SSBP3: variants seen among roughly 807,000 people sequenced by gnomAD.
SSBP3 encodes the protein single stranded DNA binding protein 3.
SSBP3 carries 5 observed loss-of-function variants against 69.6 expected under a neutral mutation model. The observed-to-expected ratio is 0.07, with a 90% CI of 0.04 to 0.15. The LOEUF (loss-of-function observed/expected upper bound fraction) is 0.15, where lower values mean the gene tolerates loss of function less well. SSBP3 is among the 10% of genes least tolerant of loss of function. SSBP3 has a pLI of 1.00. For synonymous variants in SSBP3, 196 were observed against 193.4 expected (o/e 1.01, Z -0.11); for missense variants, 312 against 534.0 (o/e 0.58, Z 4.10).
At chr1:54,275,116 G>A (rs1645260558) in intron 5 of SSBP3, among the ~76,000 whole-genome samples, 1 of 152,198 alleles carries the variant, frequency 6.6e-6, no homozygotes, top group East Asian at 1.9e-4. Flanking sequence ...AGCCCCTTGA[G>A]GGCAGGGTCC....
intron 4 of SSBP3, among the ~76,000 whole-genome samples, chr1:54,392,032 G>A (rs778175402): frequency 2.0e-5 from 3 of 151,958 alleles, no homozygotes; most frequent in Non-Finnish European, 4.4e-5. Flanking sequence ...CTCTCCTCCC[G>A]CGCCCACTCC....
chr1:54,319,797 C>T (rs1008925085), intron 4 of SSBP3, among the ~76,000 whole-genome samples: 1 of 152,094 alleles, frequency 6.6e-6, no homozygotes, highest in African/African-American at 2.4e-5. Context: ...GCAGCTAAGA[C>T]ATGGTATTTC....
At chr1:54,391,311 T>A (rs1451322628) in intron 4 of SSBP3, among the ~76,000 whole-genome samples, 2 of 152,200 alleles carry the variant, frequency 1.3e-5, no homozygotes, top group East Asian at 3.9e-4. Context: ...ACCAGACAAC[T>A]TACCCAAGGC....
At chr1:54,404,405 C>T (rs1313736799) in intron 3 of SSBP3, among the ~76,000 whole-genome samples, 171 bp downstream of exon 3, 1 of 152,222 alleles carries the variant, frequency 6.6e-6, no homozygotes, top group African/African-American at 2.4e-5. Context: ...CATCCTCTTC[C>T]GCCCTTCTCC....
At chr1:54,399,304 GAA>G (rs1463307372) in intron 4 of SSBP3, among the ~76,000 whole-genome samples, 2 of 152,260 alleles carry the variant, frequency 1.3e-5, no homozygotes, top group African/African-American at 4.8e-5. Flanking sequence ...GGTGGTGTTA[GAA>G]ACACCCATTC....
At chr1:54,360,059 G>T (rs1365537832) in intron 4 of SSBP3, among the ~76,000 whole-genome samples, 1 of 152,126 alleles carries the variant, frequency 6.6e-6, no homozygotes, top group Admixed American at 6.5e-5. Context: ...TGTGCTCAAA[G>T]AAATAAAAAG....
At chr1:54,261,165 C>CTGTG (rs1645011419) in intron 5 of SSBP3, among the ~76,000 whole-genome samples, 8 of 152,226 alleles carry the variant, frequency 5.3e-5, no homozygotes, top group Admixed American at 5.2e-4. Context: ...AGGAACCCCA[C>CTGTG]ATAGCCTAGC....
intron 4 of SSBP3, among the ~76,000 whole-genome samples, chr1:54,308,343 T>C (rs1481413287): frequency 1.3e-5 from 2 of 151,190 alleles, no homozygotes; most frequent in East Asian, 3.9e-4. Context: ...GGCTCATGCC[T>C]GTAATCCCAG....
chr1:54,236,779 T>G (rs1644502623), intron 14 of SSBP3: 2 of 152,164 alleles, frequency 1.3e-5, no homozygotes, highest in South Asian at 4.1e-4. Context: ...AAAGATCTCA[T>G]TAAGTGCTTT....
At chr1:54,339,652 C>G (rs1646572011) in intron 4 of SSBP3, among the ~76,000 whole-genome samples, 2 of 152,074 alleles carry the variant, frequency 1.3e-5, no homozygotes, top group South Asian at 2.1e-4. Flanking sequence ...GTGGCTCACA[C>G]CTATAATCCT....
At chr1:54,251,502 C>T (rs2100709948) in intron 9 of SSBP3, 114 bp downstream of exon 9, 1 of 1,187,428 alleles carries the variant, frequency 8.4e-7, no homozygotes, top group Non-Finnish European at 1.2e-6. Flanking sequence ...CATGCCCTTC[C>T]TCTCACCCCT....
chr1:54,372,697 C>T (rs1647154688), intron 4 of SSBP3, among the ~76,000 whole-genome samples: 1 of 152,224 alleles, frequency 6.6e-6, no homozygotes, highest in Admixed American at 6.5e-5. Flanking sequence ...CTCTTCCACC[C>T]ACAATCCTTT....
chr1:54,227,181 A>AGGGG (rs372535521), intron 17 of SSBP3, 21 bp from the exon 18 acceptor site: 33 of 527,052 alleles, frequency 6.3e-5, no homozygotes, highest in African/African-American at 5.6e-4. Flanking sequence ...GAAGCAGAGA[A>AGGGG]GGGGGGGGGG....
chr1:54,262,729 A>G (rs548227566), intron 5 of SSBP3, among the ~76,000 whole-genome samples: 5 of 152,164 alleles, frequency 3.3e-5, no homozygotes, highest in Non-Finnish European at 4.4e-5. Flanking sequence ...CCATGAGCCA[A>G]CCGGAACTGG....
At chr1:54,274,680 G>A (rs533386414) in intron 5 of SSBP3, among the ~76,000 whole-genome samples, 1 of 152,272 alleles carries the variant, frequency 6.6e-6, no homozygotes, top group South Asian at 2.1e-4. Context: ...CACCTCCAGA[G>A]GGGACCGCAG....
chr1:54,329,777 G>A (rs1211028238), intron 4 of SSBP3, among the ~76,000 whole-genome samples: 3 of 152,178 alleles, frequency 2.0e-5, no homozygotes, highest in South Asian at 2.1e-4. Context: ...ACAAAACAGC[G>A]GCCCAGCCGC....
At chr1:54,405,025 T>G in intron 1 of SSBP3, 95 bp from the exon 2 acceptor site, 1 of 1,130,378 alleles carries the variant, frequency 8.8e-7, no homozygotes, top group Non-Finnish European at 1.3e-6. Flanking sequence ...GAGCCCTGTC[T>G]GCGCCGTCCC....
intron 5 of SSBP3, among the ~76,000 whole-genome samples, chr1:54,259,802 G>A (rs1354715534): frequency 6.6e-6 from 1 of 152,242 alleles, no homozygotes; most frequent in Non-Finnish European, 1.5e-5. Context: ...CAAGCGAGGA[G>A]CTGCTCACTT....
intron 4 of SSBP3, among the ~76,000 whole-genome samples, chr1:54,385,211 A>G (rs1030899740): frequency 5.3e-5 from 8 of 152,190 alleles, no homozygotes; most frequent in Admixed American, 3.9e-4. Context: ...GTTTGGGGAC[A>G]GGGAGCAGGA....
Sources: allele counts gnomAD v4.1 joint callset (sites outside exome capture counted in the v4.1 genomes callset), GRCh38; gene constraint gnomAD v4.1.1; transcripts MANE v1.5; gene names NCBI Gene and HGNC (gene_info 2026-07-23, HGNC 2026-07-21).